The following IKZF1 variants were observed in gnomAD, a reference collection of about 807,000 sequenced individuals.
IKZF1 encodes the protein DNA-binding protein Ikaros.
A neutral mutation model predicts 51.7 loss-of-function variants in IKZF1; 10 were observed. The observed-to-expected ratio is 0.19, with a 90% CI of 0.12 to 0.33. IKZF1 has a LOEUF of 0.33. Among genes scored for constraint, IKZF1 ranks in the 10% least tolerant of loss-of-function variants. The pLI is 1.00. For synonymous variants in IKZF1, 280 were observed against 282.3 expected (o/e 0.99, Z 0.08); for missense variants, 484 against 707.5 (o/e 0.68, Z 3.58).
At chr7:50,327,039 A>G (rs1795206209) in intron 2 of IKZF1, among the ~76,000 whole-genome samples, 1 of 152,154 alleles carries the variant, frequency 6.6e-6, no homozygotes, top group African/African-American at 2.4e-5. Flanking sequence ...TTACAGGGGG[A>G]AGAGTTGACA....
At chr7:50,342,025 A>T (rs1416166812) in intron 3 of IKZF1, among the ~76,000 whole-genome samples, 1 of 152,196 alleles carries the variant, frequency 6.6e-6, no homozygotes, top group African/African-American at 2.4e-5. Flanking sequence ...TTAGCCAAAG[A>T]CTAGTCATTT....
Position 50,400,905 on chromosome 7 carries a change from T to A in IKZF1, c.*278T>A. 4.0e-6 allele frequency: 2 copies of A among 498,012 alleles called. No individual in the cohort carries two copies. The highest frequency in any genetic ancestry group is 7.1e-6 in the Non-Finnish European group (2 of 280,516). The allele number at this position is 498,012 out of a possible 1,614,324, so 30.8% of individuals were successfully genotyped here. The stretch of plus-strand genomic sequence containing the variant: ...GACCGCTGGCTGAGATTCCCTCACC[T>A]GTCGCTTCCTAGAATCCCCTTCTCC... On this transcript the variant is annotated 3_prime_UTR_variant, in exon 8 of 8. Coordinates refer to ENST00000331340, the MANE Select transcript of IKZF1 (RefSeq NM_006060.6). The surrounding 1 kb of genome is among the most constrained non-coding windows in gnomAD (Gnocchi z 5.4).
intron 3 of IKZF1, among the ~76,000 whole-genome samples, chr7:50,335,857 C>T (rs1385657916): frequency 6.6e-6 from 1 of 151,858 alleles, no homozygotes; most frequent in South Asian, 2.1e-4. Context: ...GGTAGGTAGG[C>T]CTGGCTCTAT....
chr7:50,313,098 A>G (rs568171915), intron 1 of IKZF1, among the ~76,000 whole-genome samples: 1 of 152,272 alleles, frequency 6.6e-6, no homozygotes, highest in African/African-American at 2.4e-5. Context: ...AAGACTTTGC[A>G]CATTGCCTTA....
intron 3 of IKZF1, among the ~76,000 whole-genome samples, chr7:50,342,608 A>G (rs1170376546): frequency 6.6e-6 from 1 of 151,940 alleles, no homozygotes; most frequent in African/African-American, 2.4e-5. Context: ...TGCTTTTGCA[A>G]CCTGATAAAG....
intron 3 of IKZF1, among the ~76,000 whole-genome samples, chr7:50,372,080 T>C (rs1416326547): frequency 6.6e-6 from 1 of 152,174 alleles, no homozygotes; most frequent in African/African-American, 2.4e-5. Context: ...AGTTGCAACT[T>C]ATGAAGATAG....
chr7:50,316,813 G>A (rs1196626117), intron 1 of IKZF1, among the ~76,000 whole-genome samples: 3 of 152,264 alleles, frequency 2.0e-5, no homozygotes, highest in South Asian at 2.1e-4. Context: ...GCGTTTGCCA[G>A]TGGTGTTGGT....
At chr7:50,334,513 GGTGT>G (rs1325151461) in intron 3 of IKZF1, among the ~76,000 whole-genome samples, 2 of 151,358 alleles carry the variant, frequency 1.3e-5, no homozygotes, top group African/African-American at 4.9e-5. Context: ...GTATGTGTGT[GGTGT>G]GTGTGTGTAT....
chr7:50,394,079 T>C (rs1050616221), intron 7 of IKZF1: 1 of 232,186 alleles, frequency 4.3e-6, no homozygotes, highest in African/African-American at 2.2e-5. Context: ...TCTGTGTTAG[T>C]AGAAGAAATA....
intron 3 of IKZF1, chr7:50,328,643 A>T (rs1320184059): frequency 6.6e-6 from 1 of 152,110 alleles, no homozygotes; most frequent in East Asian, 1.9e-4. Context: ...TGGGTCAGCT[A>T]CATAAGCCCC....
chr7:50,398,984 A>G (rs536775787), intron 7 of IKZF1, among the ~76,000 whole-genome samples: 2 of 152,362 alleles, frequency 1.3e-5, no homozygotes, highest in Non-Finnish European at 2.9e-5. Flanking sequence ...GAAGAAGCCA[A>G]ATCTAGGCTC....
In IKZF1 at chr7:50,400,763, G is replaced by C; in HGVS notation, c.*136G>C. 8.4e-7 allele frequency: 1 copy of C among 1,194,940 alleles called. No homozygotes were observed. The highest frequency in any genetic ancestry group is 2.6e-5 in the East Asian group (1 of 38,882). The allele number at this position is 1,194,940 out of a possible 1,614,324, so 74.0% of individuals were successfully genotyped here. A position where few individuals can be genotyped will look rare whatever the true frequency, so the allele number is the denominator to read the frequency against. ...GTGTTTGGATTTGTAACTGTTTTTT[G>C]TTTTTTGTTTGAGTTGGTTGATTGG... is the stretch of plus-strand genomic sequence containing the variant. On this transcript the variant is annotated 3_prime_UTR_variant, in exon 8 of 8. Transcript: ENST00000331340. The surrounding 1 kb of genome is among the most constrained non-coding windows in gnomAD (Gnocchi z 5.4).
intron 3 of IKZF1, among the ~76,000 whole-genome samples, chr7:50,365,357 G>T (rs1472438350): frequency 6.6e-6 from 1 of 152,132 alleles, no homozygotes; most frequent in Non-Finnish European, 1.5e-5. Context: ...AAACTAATAG[G>T]TACAGCTATA....
chr7:50,373,349 G>T (rs1317638266), intron 3 of IKZF1, among the ~76,000 whole-genome samples: 1 of 152,218 alleles, frequency 6.6e-6, no homozygotes, highest in African/African-American at 2.4e-5. Context: ...CATTCTTAAT[G>T]ATCCAGAAGA....
intron 3 of IKZF1, among the ~76,000 whole-genome samples, chr7:50,331,217 A>G (rs1353426702): frequency 6.6e-6 from 1 of 152,174 alleles, no homozygotes; most frequent in Non-Finnish European, 1.5e-5. Flanking sequence ...AAGGGAGAGA[A>G]CAGATGACCA....
intron 3 of IKZF1, among the ~76,000 whole-genome samples, chr7:50,355,060 T>G (rs1161613262): frequency 6.6e-6 from 1 of 151,858 alleles, no homozygotes; most frequent in Non-Finnish European, 1.5e-5. Context: ...GCCTGGGTCT[T>G]GGGGGAAGGT....
rs555643520 is a variant in IKZF1 at position 50,384,304 on chromosome 7, CAG to C, written c.589+1598_589+1599del. Among the ~76,000 whole-genome samples, 393 of 152,332 alleles carry C rather than the reference CAG, an allele frequency of 2.6e-3. 3 individuals are homozygous for C. The highest frequency in any genetic ancestry group is 0.01 in the Middle Eastern group (3 of 294). Reference sequence around the variant, plus strand: ...CTGGAGACAAAAAGGAGAGGAGTCACAGGGGCTGGTGCATCACCTCCTCTCCA... The same window carrying C: ...CTGGAGACAAAAAGGAGAGGAGTCACGGGCTGGTGCATCACCTCCTCTCCA... On this transcript the variant is annotated intron_variant, in intron 5 of 7. Coordinates refer to ENST00000331340, the MANE Select transcript of IKZF1 (RefSeq NM_006060.6).
intron 3 of IKZF1, among the ~76,000 whole-genome samples, chr7:50,358,648 G>T (rs1292723390): frequency 6.6e-6 from 1 of 152,242 alleles, no homozygotes; most frequent in Non-Finnish European, 1.5e-5. Context: ...GCAGGGTGCT[G>T]CAGCCAATGC....
intron 2 of IKZF1, among the ~76,000 whole-genome samples, chr7:50,324,177 T>C (rs971683400): frequency 8.5e-5 from 13 of 152,244 alleles, no homozygotes; most frequent in Admixed American, 2.0e-4. Flanking sequence ...GTGCCTATCA[T>C]GATGGGTTTC....
Sources: gnomAD v4.1 joint callset for allele counts (sites outside exome capture counted in the v4.1 genomes callset) on GRCh38, gnomAD v4.1.1 for gene constraint, Gnocchi (gnomAD v3.1) non-coding constraint, MANE v1.5 for transcripts, NCBI Gene and HGNC (gene_info 2026-07-23, HGNC 2026-07-21) for gene names.